The following NRXN3 variants were observed in gnomAD, a reference collection of about 807,000 sequenced individuals.
The protein encoded by NRXN3 is neurexin III.
A neutral mutation model predicts 137.6 loss-of-function variants in NRXN3; 32 were observed. The observed-to-expected ratio is 0.23, with a 90% CI of 0.18 to 0.31. The LOEUF (loss-of-function observed/expected upper bound fraction) is 0.31. NRXN3 is among the 10% of genes least tolerant of loss of function. The probability of loss-of-function intolerance (pLI) is 1.00; values close to 1 mark genes in which losing one functional copy is unlikely to be tolerated. For synonymous variants in NRXN3, 798 were observed against 784.5 expected (o/e 1.02, Z -0.29); for missense variants, 1,574 against 2,062.5 (o/e 0.76, Z 4.59).
chr14:78,460,083 C>T (rs972390925), intron 4 of NRXN3, among the ~76,000 whole-genome samples: 1 of 152,222 alleles, frequency 6.6e-6, no homozygotes. Context: ...TTTACATCTA[C>T]CCATTTATTA....
intron 4 of NRXN3, among the ~76,000 whole-genome samples, chr14:78,494,734 G>A (rs1451453265): frequency 1.3e-5 from 2 of 152,074 alleles, no homozygotes; most frequent in Non-Finnish European, 2.9e-5. Flanking sequence ...TTATTATGAA[G>A]TACATGAATA....
At chr14:78,900,692 G>A (rs1032663049) in intron 10 of NRXN3, among the ~76,000 whole-genome samples, 5 of 151,924 alleles carry the variant, frequency 3.3e-5, no homozygotes, top group African/African-American at 1.2e-4. Flanking sequence ...AAGATTTCCT[G>A]AGAACTAAAA....
chr14:79,305,135 A>AT (rs1485163596), intron 15 of NRXN3, among the ~76,000 whole-genome samples: 4 of 151,976 alleles, frequency 2.6e-5, no homozygotes, highest in Non-Finnish European at 5.9e-5. Flanking sequence ...TAAAATGGGT[A>AT]TTTTTTAAAC....
intron 15 of NRXN3, among the ~76,000 whole-genome samples, chr14:79,004,072 T>G (rs1333709249): frequency 6.6e-6 from 1 of 152,178 alleles, no homozygotes; most frequent in African/African-American, 2.4e-5. Flanking sequence ...CTCTAGGTGT[T>G]TCTGAGAACA....
intron 15 of NRXN3, among the ~76,000 whole-genome samples, chr14:79,101,151 G>A (rs2051212926): frequency 6.6e-6 from 1 of 152,144 alleles, no homozygotes; most frequent in Non-Finnish European, 1.5e-5. Flanking sequence ...TTGATATACA[G>A]CCAACAGCCT....
At chr14:79,611,382 A>G (rs113099720) in intron 16 of NRXN3, 34,259 of 152,126 alleles carry the variant, frequency 0.23, 4,450 homozygotes, top group African/African-American at 0.36. Context: ...GGCGGATCAC[A>G]AGGTCAGGAG....
intron 2 of NRXN3, among the ~76,000 whole-genome samples, chr14:78,251,183 C>T (rs1270574533): frequency 6.6e-6 from 1 of 152,152 alleles, no homozygotes; most frequent in African/African-American, 2.4e-5. Context: ...TGCCCATTAC[C>T]TCACTCAGGG....
At chr14:79,316,004 T>C (rs1056975132) in intron 15 of NRXN3, among the ~76,000 whole-genome samples, 2 of 152,198 alleles carry the variant, frequency 1.3e-5, no homozygotes, top group Admixed American at 6.5e-5. Context: ...GGCATCAAAA[T>C]TAATCAGGCT....
intron 4 of NRXN3, among the ~76,000 whole-genome samples, chr14:78,546,381 A>G (rs1600245990): frequency 6.6e-6 from 1 of 152,304 alleles, no homozygotes; most frequent in East Asian, 1.9e-4. Context: ...TGGGCTATTC[A>G]TGACTTCTTG....
chr14:78,873,902 C>T (rs2099107293), intron 10 of NRXN3, among the ~76,000 whole-genome samples: 2 of 151,986 alleles, frequency 1.3e-5, no homozygotes, highest in South Asian at 4.1e-4. Flanking sequence ...TTTTATCCCA[C>T]CTAGGGTTAA....
At chr14:79,419,068 G>GA (rs34125920) in intron 15 of NRXN3, among the ~76,000 whole-genome samples, 47,949 of 152,120 alleles carry the variant, frequency 0.32, 8,212 homozygotes, top group Middle Eastern at 0.53. Context: ...TCTGTCCTGG[G>GA]TCTGTAAAAC....
In NRXN3 at chr14:78,302,963, G is replaced by C. The variant is rs2077019838; in HGVS notation, c.757+5103G>C. 2.6e-5 allele frequency among the ~76,000 whole-genome samples: 4 copies of C among 152,198 alleles called. No homozygotes were observed. The South Asian group carries it at 6.2e-4, about 24-fold the overall frequency. On this transcript the variant is annotated intron_variant, in intron 4 of 20. Coordinates refer to ENST00000335750, the MANE Select transcript of NRXN3 (RefSeq NM_001330195.2). The stretch of plus-strand genomic sequence containing the variant: ...GTCTTTCTGCCTCTGTTCTCTTCTA[G>C]TCTATCCAGTGGTTGAGAATTGCTT...
At chr14:79,503,678 G>GC (rs1385405463) in intron 16 of NRXN3, among the ~76,000 whole-genome samples, 1 of 152,126 alleles carries the variant, frequency 6.6e-6, no homozygotes, top group African/African-American at 2.4e-5. Context: ...TGCCACTCCA[G>GC]CCCACTCAGT....
chr14:78,644,276 T>A (rs1242673699), intron 4 of NRXN3, among the ~76,000 whole-genome samples: 2 of 151,964 alleles, frequency 1.3e-5, no homozygotes, highest in East Asian at 3.9e-4. Context: ...CTATGAAATA[T>A]TGTCTTGAAA....
chr14:79,828,649 G>A (rs960829283), intron 20 of NRXN3, among the ~76,000 whole-genome samples: 1 of 57,292 alleles, frequency 1.7e-5, no homozygotes, highest in Non-Finnish European at 3.2e-5. Flanking sequence ...AAGTAAAATT[G>A]TCTTTTTTTT....
At chr14:79,646,131 T>C (rs1246161245) in intron 16 of NRXN3, among the ~76,000 whole-genome samples, 1 of 135,780 alleles carries the variant, frequency 7.4e-6, no homozygotes, top group East Asian at 2.0e-4. Flanking sequence ...CCTGAACAAG[T>C]AGCATCTCCA....
intron 10 of NRXN3, among the ~76,000 whole-genome samples, chr14:78,832,850 G>T (rs2098986149): frequency 6.6e-6 from 1 of 152,190 alleles, no homozygotes; most frequent in Non-Finnish European, 1.5e-5. Flanking sequence ...CTGAAGAGGA[G>T]CTTGGATGTC....
intron 8 of NRXN3, among the ~76,000 whole-genome samples, chr14:78,742,287 C>CA (rs2098580255): frequency 6.6e-6 from 1 of 152,176 alleles, no homozygotes; most frequent in Non-Finnish European, 1.5e-5. Context: ...GCTCTGAAGA[C>CA]AGTCATATGG....
intron 16 of NRXN3, among the ~76,000 whole-genome samples, chr14:79,560,356 A>G (rs972896780): frequency 7.9e-5 from 12 of 151,904 alleles, no homozygotes; most frequent in African/African-American, 2.9e-4. Context: ...CTTCTGGCAA[A>G]CCTCTATCAA....
Sources: allele counts gnomAD v4.1 joint callset (sites outside exome capture counted in the v4.1 genomes callset), GRCh38; gene constraint gnomAD v4.1.1; transcripts MANE v1.5; gene names NCBI Gene and HGNC (gene_info 2026-07-23, HGNC 2026-07-21).